Variants in SLC2A13 observed in about 807,000 individuals in gnomAD.
The protein encoded by SLC2A13 is solute carrier family 2 member 13.
A neutral mutation model predicts 64.4 loss-of-function variants in SLC2A13; 32 were observed. That is an observed-to-expected ratio of 0.50 (90% CI 0.37 to 0.67). The LOEUF is 0.67. SLC2A13 is among the 30% of genes least tolerant of loss of function. SLC2A13 has a pLI of 0.00. For synonymous variants in SLC2A13, 338 were observed against 327.1 expected (o/e 1.03, Z -0.36); for missense variants, 743 against 829.2 (o/e 0.90, Z 1.28).
At chr12:39,980,690 T>G (rs1045740538) in intron 3 of SLC2A13, among the ~76,000 whole-genome samples, 3 of 151,542 alleles carry the variant, frequency 2.0e-5, no homozygotes, top group African/African-American at 7.3e-5. Context: ...CTGAGTGACC[T>G]ACAAAGAGAC....
chr12:40,079,723 T>G (rs17442380), intron 1 of SLC2A13, among the ~76,000 whole-genome samples: 1 of 152,362 alleles, frequency 6.6e-6, no homozygotes, highest in Non-Finnish European at 1.5e-5. Flanking sequence ...TATTATTGTG[T>G]GGTTATCTAA....
At chr12:39,947,749 C>T (rs1946162221) in intron 4 of SLC2A13, among the ~76,000 whole-genome samples, 1 of 151,006 alleles carries the variant, frequency 6.6e-6, no homozygotes, top group African/African-American at 2.4e-5. Context: ...CAAGCTCTGC[C>T]TCACGGGTTC....
At chr12:39,877,903 G>A (rs776540025) in intron 4 of SLC2A13, among the ~76,000 whole-genome samples, 12 of 152,182 alleles carry the variant, frequency 7.9e-5, no homozygotes, top group Non-Finnish European at 1.6e-4. Flanking sequence ...GGTGGGAGAC[G>A]TTTGGATCAT....
chr12:39,902,763 T>C (rs1376817020), intron 4 of SLC2A13, among the ~76,000 whole-genome samples: 1 of 152,124 alleles, frequency 6.6e-6, no homozygotes, highest in Non-Finnish European at 1.5e-5. Context: ...GGGATTTAAA[T>C]AATTTTATAT....
chr12:39,961,776 C>G (rs1294834922), intron 3 of SLC2A13, among the ~76,000 whole-genome samples: 1 of 151,404 alleles, frequency 6.6e-6, no homozygotes, highest in Admixed American at 6.6e-5. Context: ...GCTGTGATTA[C>G]AGGTGTGAGC....
intron 4 of SLC2A13, among the ~76,000 whole-genome samples, chr12:39,932,919 G>A (rs898577972): frequency 1.3e-5 from 2 of 152,114 alleles, no homozygotes; most frequent in African/African-American, 2.4e-5. Context: ...AGCAGGCACA[G>A]TCTGTGGACC....
At chr12:39,913,712 AC>A in intron 4 of SLC2A13, among the ~76,000 whole-genome samples, 1 of 152,024 alleles carries the variant, frequency 6.6e-6, no homozygotes, top group African/African-American at 2.4e-5. Context: ...TAGTAAGTAT[AC>A]ATACATGTGA....
chr12:39,915,057 A>G (rs989076906), intron 4 of SLC2A13, among the ~76,000 whole-genome samples: 2 of 152,000 alleles, frequency 1.3e-5, no homozygotes, highest in Non-Finnish European at 2.9e-5. Flanking sequence ...ATTTATCAAG[A>G]AAAGGTCAGG....
chr12:40,030,218 A>G (rs1400835405), intron 2 of SLC2A13, among the ~76,000 whole-genome samples: 2 of 152,166 alleles, frequency 1.3e-5, no homozygotes, highest in East Asian at 3.8e-4. Flanking sequence ...CAAACCATTC[A>G]TTATTCTAGA....
chr12:39,908,144 A>G (rs17559800), intron 4 of SLC2A13: 7,015 of 152,136 alleles, frequency 0.046, 299 homozygotes, highest in Admixed American at 0.13. Context: ...AGACAGAAAA[A>G]GCTGCATGAT....
intron 7 of SLC2A13, among the ~76,000 whole-genome samples, chr12:39,809,627 G>A (rs1451406909): frequency 6.6e-6 from 1 of 152,100 alleles, no homozygotes; most frequent in Non-Finnish European, 1.5e-5. Context: ...TTTAGCATCA[G>A]GTATATCTCC....
intron 1 of SLC2A13, among the ~76,000 whole-genome samples, chr12:40,103,793 G>A (rs1387154079): frequency 6.6e-6 from 1 of 152,308 alleles, no homozygotes; most frequent in African/African-American, 2.4e-5. Context: ...TAAACAGCAG[G>A]TTATTTGTTG....
intron 6 of SLC2A13, among the ~76,000 whole-genome samples, chr12:39,834,703 C>A (rs141510641): frequency 3.9e-5 from 6 of 152,096 alleles, no homozygotes; most frequent in Non-Finnish European, 8.8e-5. Flanking sequence ...CTGGACTAAG[C>A]CCTTATCTGC....
chr12:39,824,683 T>G (rs542248087), intron 7 of SLC2A13, among the ~76,000 whole-genome samples: 12 of 152,240 alleles, frequency 7.9e-5, no homozygotes, highest in African/African-American at 2.4e-4. Flanking sequence ...TGTGAGGTGT[T>G]CCAGTAGGAC....
chr12:39,957,123 C>T (rs2896824), intron 3 of SLC2A13, among the ~76,000 whole-genome samples: 19,455 of 152,160 alleles, frequency 0.13, 1,278 homozygotes, highest in South Asian at 0.23. Flanking sequence ...ACTTCAATAA[C>T]CCTTCCTGCC....
chr12:39,848,885 G>A (rs1044053772), intron 6 of SLC2A13, among the ~76,000 whole-genome samples: 2 of 152,198 alleles, frequency 1.3e-5, no homozygotes, highest in Non-Finnish European at 2.9e-5. Context: ...CATGGATGGA[G>A]CTGGAGGCTA....
chr12:39,988,130 GT>G (rs1322263196), intron 3 of SLC2A13, among the ~76,000 whole-genome samples: 5 of 151,898 alleles, frequency 3.3e-5, no homozygotes, highest in South Asian at 4.2e-4. Context: ...TGTAGGGACA[GT>G]TTTTTTTAAA....
rs920156778 is a variant in SLC2A13 at position 39,755,270 on chromosome 12, C to T, written c.*4756G>A. 3.3e-5 allele frequency: 5 copies of T among 151,984 alleles called. No homozygotes were observed. The highest frequency in any genetic ancestry group is 1.3e-4 in the Admixed American group (2 of 15,234). 9.4% of individuals were successfully genotyped at this position (151,984 alleles called of 1,614,324 possible). A position where few individuals can be genotyped will look rare whatever the true frequency, so the allele number is the denominator to read the frequency against. On this transcript the variant is annotated 3_prime_UTR_variant, in exon 10 of 10. Coordinates refer to ENST00000280871, the MANE Select transcript of SLC2A13 (RefSeq NM_052885.4). ...AATTTTTAAGAGATATCCCATATAT[C>T]GCTTGTGGGAATAAATACTTATATT...
intron 2 of SLC2A13, among the ~76,000 whole-genome samples, chr12:40,043,158 T>C (rs1948119936): frequency 6.6e-6 from 1 of 152,110 alleles, no homozygotes; most frequent in African/African-American, 2.4e-5. Context: ...TGAAACATTT[T>C]ACTAGTGGCA....
Sources: allele counts gnomAD v4.1 joint callset (sites outside exome capture counted in the v4.1 genomes callset), GRCh38; gene constraint gnomAD v4.1.1; transcripts MANE v1.5; gene names NCBI Gene and HGNC (gene_info 2026-07-23, HGNC 2026-07-21).